The following RASGRF2 variants were observed in gnomAD, a reference collection of about 807,000 sequenced individuals.
RASGRF2 encodes the protein ras-specific guanine nucleotide-releasing factor 2.
A neutral mutation model predicts 151.0 loss-of-function variants in RASGRF2; 76 were observed. The observed-to-expected ratio is 0.50, with a 90% CI of 0.42 to 0.61. The LOEUF (loss-of-function observed/expected upper bound fraction) is 0.61, where lower values mean the gene tolerates loss of function less well. Ranked by LOEUF, RASGRF2 falls within the 20% of genes least tolerant of loss-of-function variation. The probability of loss-of-function intolerance (pLI) is 0.00; values close to 1 mark genes in which losing one functional copy is unlikely to be tolerated. For missense variants in RASGRF2, 1,148 were observed against 1,564.6 expected, an observed-to-expected ratio of 0.73 and a Z score of 4.49; for synonymous variants, 504 against 566.5, an observed-to-expected ratio of 0.89 and a Z score of 1.57.
chr5:81,123,850 A>T, intron 16 of RASGRF2, 83 bp downstream of exon 16: 1 of 1,431,366 alleles, frequency 7.0e-7, no homozygotes, highest in Non-Finnish European at 9.4e-7. Context: ...TAATTGTTTC[A>T]CTGCCAAAAT....
chr5:81,029,382 T>C (rs112323652), intron 1 of RASGRF2, among the ~76,000 whole-genome samples: 66 of 152,308 alleles, frequency 4.3e-4, no homozygotes, highest in Admixed American at 1.8e-3. Flanking sequence ...AGTAGCCCAA[T>C]TGGGAGACAT....
At chr5:81,124,085 C>T (rs1430473085) in intron 16 of RASGRF2, among the ~76,000 whole-genome samples, 1 of 152,134 alleles carries the variant, frequency 6.6e-6, no homozygotes, top group Non-Finnish European at 1.5e-5. Flanking sequence ...CATAGCATTT[C>T]CATTGTGTTA....
At chr5:81,076,697 A>G (rs1490359083) in intron 5 of RASGRF2, among the ~76,000 whole-genome samples, 1 of 152,102 alleles carries the variant, frequency 6.6e-6, no homozygotes, top group Non-Finnish European at 1.5e-5. Flanking sequence ...GGAGGCAAGG[A>G]CATCCACTGA....
At chr5:81,046,814 C>T (rs1472162940) in intron 2 of RASGRF2, among the ~76,000 whole-genome samples, 2 of 152,100 alleles carry the variant, frequency 1.3e-5, no homozygotes, top group Non-Finnish European at 2.9e-5. Context: ...GACAACTCTT[C>T]AATGTTTCAT....
At chr5:81,140,134 C>T (rs973610699) in intron 17 of RASGRF2, among the ~76,000 whole-genome samples, 1 of 152,058 alleles carries the variant, frequency 6.6e-6, no homozygotes, top group African/African-American at 2.4e-5. Flanking sequence ...TGGCTGGAAC[C>T]TGACTTTGAA....
chr5:81,223,642 GAA>G (rs752469512), intron 26 of RASGRF2, among the ~76,000 whole-genome samples: 2 of 136,334 alleles, frequency 1.5e-5, no homozygotes, highest in Admixed American at 7.5e-5. Flanking sequence ...CTCCGTCTCA[GAA>G]AAAAAAAAAA....
chr5:81,134,589 T>C (rs1191330343), intron 17 of RASGRF2, among the ~76,000 whole-genome samples: 2 of 152,232 alleles, frequency 1.3e-5, no homozygotes, highest in African/African-American at 4.8e-5. Context: ...GCACAGCATC[T>C]GTCTTTTACA....
intron 19 of RASGRF2, among the ~76,000 whole-genome samples, chr5:81,205,026 C>T (rs771207545): frequency 5.3e-5 from 8 of 152,182 alleles, no homozygotes; most frequent in Non-Finnish European, 7.3e-5. Flanking sequence ...TGTGCACTTT[C>T]GGAAAAGTCA....
chr5:81,201,391 G>C lies in RASGRF2; in HGVS notation c.2855G>C (p.Arg952Pro). 1 of 1,613,954 alleles carries C rather than the reference G, an allele frequency of 6.2e-7. No individual in the cohort carries two copies. Among genetic ancestry groups the C allele is most frequent in the Non-Finnish European group, 8.5e-7 (1 of 1,179,956 alleles). Reference protein sequence around the residue: ...NVLNLLEEVLRDPDLLPQERK... With the variant: ...NVLNLLEEVLPDPDLLPQERK... ...CTAAATTTGCTAGAAGAAGTTTTGC[G>C]AGACCCAGACCTTCTTCCCCAAGAA... is the stretch of plus-strand genomic sequence containing the variant. Residue 952 changes from arginine (R) to proline (P), a missense_variant, in exon 19 of 27, where the codon CGA becomes CCA. Arg to Pro is a moderately radical substitution (Grantham distance 103). Around this residue, in one of 5 missense-constraint regions of RASGRF2, gnomAD observed 646 missense variants for 807.4 expected, o/e 0.80. Coordinates refer to ENST00000265080, the MANE Select transcript of RASGRF2 (RefSeq NM_006909.3).
intron 7 of RASGRF2, among the ~76,000 whole-genome samples, chr5:81,081,559 A>C (rs1417926794): frequency 6.6e-6 from 1 of 152,166 alleles, no homozygotes; most frequent in African/African-American, 2.4e-5. Context: ...AAGAGCATTG[A>C]GTGTTCCCAT....
At chr5:81,106,320 G>T (rs1176825436) in intron 12 of RASGRF2, among the ~76,000 whole-genome samples, 1 of 151,934 alleles carries the variant, frequency 6.6e-6, no homozygotes, top group Non-Finnish European at 1.5e-5. Context: ...CTGCCTTAGG[G>T]GAGGTATGAA....
intron 1 of RASGRF2, among the ~76,000 whole-genome samples, chr5:80,966,538 A>C (rs1424203279): frequency 6.6e-6 from 1 of 152,210 alleles, no homozygotes; most frequent in African/African-American, 2.4e-5. Flanking sequence ...TGCAACTTTT[A>C]AATTTTAGCT....
intron 25 of RASGRF2, among the ~76,000 whole-genome samples, chr5:81,219,363 G>A (rs1292126101): frequency 6.6e-6 from 1 of 152,108 alleles, no homozygotes; most frequent in Non-Finnish European, 1.5e-5. Flanking sequence ...TTACAGGCAT[G>A]AGCCACCATG....
At position 81,042,958 on chromosome 5, in the gene RASGRF2, T is replaced by C. The variant is rs1750723960; in HGVS notation, c.370T>C (p.Trp124Arg). The change falls in exon 2 of 27, where the codon TGG becomes CGG. Residue 124 changes from tryptophan (W) to arginine (R), a missense_variant. By Grantham distance (101) the Trp-to-Arg change is moderately radical. Around this residue, in one of 5 missense-constraint regions of RASGRF2, gnomAD observed 221 missense variants for 271.3 expected, o/e 0.81. Coordinates refer to ENST00000265080, the MANE Select transcript of RASGRF2 (RefSeq NM_006909.3). Reference protein sequence around the residue: ...RCEEEQDGKEWMEAIHQASYA... With the variant: ...RCEEEQDGKERMEAIHQASYA... The stretch of plus-strand genomic sequence containing the variant: ...TGAGGAGGAGCAGGATGGTAAAGAG[T>C]GGATGGAGGCCATTCACCAAGCCAG... The C allele has an allele frequency of 1.2e-6, 2 of 1,611,900 alleles. No individual in the cohort carries two copies. The highest frequency in any genetic ancestry group is 1.7e-5 in the Admixed American group (1 of 59,852).
intron 12 of RASGRF2, among the ~76,000 whole-genome samples, chr5:81,105,070 C>G (rs1752808186): frequency 6.6e-6 from 1 of 152,172 alleles, no homozygotes; most frequent in African/African-American, 2.4e-5. Flanking sequence ...TGCTTCCCTT[C>G]TTGTCTCTAA....
chr5:81,005,343 G>C (rs1349016938), intron 1 of RASGRF2, among the ~76,000 whole-genome samples: 1 of 152,014 alleles, frequency 6.6e-6, no homozygotes, highest in Non-Finnish European at 1.5e-5. Flanking sequence ...GCGAAGGTGG[G>C]GAAAAGCCCC....
At chr5:81,046,901 C>T (rs908106305) in intron 2 of RASGRF2, among the ~76,000 whole-genome samples, 4 of 152,092 alleles carry the variant, frequency 2.6e-5, no homozygotes, top group African/African-American at 7.2e-5. Context: ...AGTTGTATAT[C>T]TTCCAAGGGT....
chr5:81,212,616 G>C, intron 23 of RASGRF2, 53 bp downstream of exon 23: 1 of 1,464,854 alleles, frequency 6.8e-7, no homozygotes, highest in Non-Finnish European at 9.2e-7. Flanking sequence ...GAGGCTGGGA[G>C]ATGGGAGCCA....
chr5:81,019,093 G>A (rs1749741993), intron 1 of RASGRF2, among the ~76,000 whole-genome samples: 2 of 109,434 alleles, frequency 1.8e-5, no homozygotes, highest in African/African-American at 3.4e-5. Flanking sequence ...AAGGCACTGC[G>A]CCTGGCGCAT....
Sources: gnomAD v4.1 joint callset for allele counts (sites outside exome capture counted in the v4.1 genomes callset) on GRCh38, gnomAD v4.1.1 for gene constraint, gnomAD v4.1.1 regional missense constraint, MANE v1.5 for transcripts, NCBI Gene and HGNC (gene_info 2026-07-23, HGNC 2026-07-21) for gene names.